Variants in SRI observed in about 807,000 individuals in gnomAD.
SRI encodes the protein sorcin.
Under a neutral mutation model 33.3 loss-of-function variants are expected in SRI, and 30 were observed. The observed-to-expected ratio is 0.90, with a 90% CI of 0.67 to 1.22. The LOEUF (loss-of-function observed/expected upper bound fraction) is 1.22. Ranked by LOEUF, SRI falls within the 50% of genes most tolerant of loss-of-function variation. The probability of loss-of-function intolerance (pLI) is 0.00; values close to 1 mark genes in which losing one functional copy is unlikely to be tolerated. For synonymous variants in SRI, 75 were observed against 89.9 expected, an observed-to-expected ratio of 0.83 and a Z score of 0.94; for missense variants, 243 against 250.8, an observed-to-expected ratio of 0.97 and a Z score of 0.21.
Position 88,206,127 on chromosome 7 carries a change from G to A in SRI, c.*351C>T, listed in dbSNP as rs1851435288. ...TCTTTGTAGGAGAGGAAAGATAACAGCTGTAGTCTGATTAACAGTTTTTAG... is the reference window on the plus strand; with the variant it reads ...TCTTTGTAGGAGAGGAAAGATAACAACTGTAGTCTGATTAACAGTTTTTAG... On this transcript the variant is annotated 3_prime_UTR_variant, in exon 8 of 8. Transcript: ENST00000265729. The A allele has an allele frequency of 3.2e-6, 1 of 313,414 alleles. No individual in the cohort carries two copies. The highest frequency in any genetic ancestry group is 6.2e-6 in the Non-Finnish European group (1 of 162,314). The allele number at this position is 313,414 out of a possible 1,614,324, so 19.4% of individuals were successfully genotyped here. A position where few individuals can be genotyped will look rare whatever the true frequency, so the allele number is the denominator to read the frequency against.
At chr7:88,218,257 G>T (rs1851782532) in intron 2 of SRI, among the ~76,000 whole-genome samples, 1 of 152,168 alleles carries the variant, frequency 6.6e-6, no homozygotes, top group African/African-American at 2.4e-5. Context: ...AACTCAGAAT[G>T]CAGACAAGTG....
intron 3 of SRI, among the ~76,000 whole-genome samples, chr7:88,212,563 T>C (rs1851605057): frequency 6.6e-6 from 1 of 152,218 alleles, no homozygotes; most frequent in African/African-American, 2.4e-5. Flanking sequence ...TTTCAGATGA[T>C]TCTAGTGAGC....
intron 1 of SRI, chr7:88,226,894 A>G (rs1852011011): frequency 2.5e-6 from 4 of 1,612,534 alleles, no homozygotes; most frequent in African/African-American, 2.7e-5. Flanking sequence ...TATTATATAC[A>G]TATCATTTAC....
intron 2 of SRI, 103 bp downstream of exon 2, chr7:88,218,756 G>C: frequency 9.5e-7 from 1 of 1,057,140 alleles, no homozygotes; most frequent in Non-Finnish European, 1.5e-6. Context: ...CAGAAGCAAA[G>C]GGACTCAGTA....
chr7:88,220,874 G>A (rs1851874017), upstream of SRI, among the ~76,000 whole-genome samples: 1 of 152,172 alleles, frequency 6.6e-6, no homozygotes, highest in South Asian at 2.1e-4. Context: ...AAGTATTCAG[G>A]AAGATAAGAG....
chr7:88,208,794 T>A (rs1226938136), intron 6 of SRI: 1 of 592,426 alleles, frequency 1.7e-6, no homozygotes, highest in African/African-American at 1.9e-5. Flanking sequence ...TTTGTTTTTT[T>A]GTTTTTTTAG....
chr7:88,217,394 G>C (rs1851755898), intron 2 of SRI, among the ~76,000 whole-genome samples: 1 of 152,102 alleles, frequency 6.6e-6, no homozygotes, highest in Admixed American at 6.5e-5. Flanking sequence ...ATTTAATGAT[G>C]AAAGAAAGAG....
chr7:88,226,191 C>T lies in SRI; in HGVS notation c.6+718G>A, dbSNP rs553124670. ...TGTTAATTCTAAAAGCTAATTTTTG[C>T]AACCTAGGTCTATTTTTTCATAAAG... On this transcript the variant is annotated intron_variant, in intron 1 of 7. Coordinates refer to the SRI transcript ENST00000394641. Among the ~76,000 whole-genome samples, 6 of 152,246 alleles carry T rather than the reference C, an allele frequency of 3.9e-5. No individual in the cohort carries two copies. The South Asian group carries it at 1.2e-3, about 32-fold the overall frequency.
chr7:88,210,125 ATC>A lies in SRI; in HGVS notation c.253_254del (p.Asp85TyrfsTer9). On this transcript the variant is annotated frameshift_variant, in exon 5 of 8. Coordinates refer to ENST00000265729, the MANE Select transcript of SRI (RefSeq NM_003130.4). LOFTEE classifies it high-confidence loss of function. ...CATTGAAACCCATTGTGCCAGACAT[ATC>A]TCTCTGAACTGTAATCAAGGATTAG... Reference protein sequence around the residue: ...CRLMVSMLDRDMSGTMGFNEF... With the variant: ...CRLMVSMLDRXMSGTMGFNEF... The A allele has an allele frequency of 6.2e-7, 1 of 1,614,112 alleles. No homozygotes were observed. The highest frequency in any genetic ancestry group is 8.5e-7 in the Non-Finnish European group (1 of 1,179,990).
intron 7 of SRI, chr7:88,208,194 A>G (rs1851479497): frequency 3.4e-6 from 1 of 291,756 alleles, no homozygotes; most frequent in Non-Finnish European, 5.9e-6. Flanking sequence ...TGAAAAAGGC[A>G]TTACTACTAT....
intron 3 of SRI, among the ~76,000 whole-genome samples, chr7:88,214,440 T>C (rs1330351706): frequency 6.6e-6 from 1 of 152,186 alleles, no homozygotes; most frequent in Non-Finnish European, 1.5e-5. Context: ...GGTCATCTTT[T>C]GTGAGAAGGA....
chr7:88,217,802 C>A (rs1426598959), intron 2 of SRI, among the ~76,000 whole-genome samples: 1 of 152,206 alleles, frequency 6.6e-6, no homozygotes, highest in Non-Finnish European at 1.5e-5. Context: ...CAGGCCAGGG[C>A]TGCTGAAAGC....
In SRI at chr7:88,210,908, A is replaced by G. The variant is rs1851560659; in HGVS notation, c.223T>C (p.Cys75Arg). 1 of 1,613,676 alleles carries G rather than the reference A, an allele frequency of 6.2e-7. No individual in the cohort carries two copies. The highest frequency in any genetic ancestry group is 1.1e-5 in the South Asian group (1 of 91,038). Residue 75 changes from cysteine (C) to arginine (R), a missense_variant, in exon 4 of 8, where the codon TGC becomes CGC. Cys to Arg is a radical substitution (Grantham distance 180). Coordinates refer to ENST00000265729, the MANE Select transcript of SRI (RefSeq NM_003130.4). ...TCCAGCATTGAAACCATAAGCCGGC[A>G]AGTCTCCAGGTTAAAAGCTGTTAAA... ...GGYKPFNLETCRLMVSMLDRD... is the reference protein window; with the variant it reads ...GGYKPFNLETRRLMVSMLDRD...
Position 88,212,879 on chromosome 7 carries a change from A to G in SRI, c.206-1954T>C, listed in dbSNP as rs565026150. On this transcript the variant is annotated intron_variant, in intron 3 of 7. Coordinates refer to ENST00000265729, the MANE Select transcript of SRI (RefSeq NM_003130.4). ...TTTTGTAAGCTTTCCAGGTGATGCC[A>G]ATGCTGCTAAAGTTTAAGAACTGCT... Among the ~76,000 whole-genome samples the G allele has an allele frequency of 9.8e-5, 15 of 152,312 alleles. No individual in the cohort carries two copies. The South Asian group carries it at 3.1e-3, about 32-fold the overall frequency.
upstream of SRI, among the ~76,000 whole-genome samples, chr7:88,224,795 G>C (rs1467121589): frequency 2.0e-5 from 3 of 152,202 alleles, no homozygotes. Context: ...GCATATTGTA[G>C]ATGGTAATGA....
rs1044714072 is a variant in SRI at position 88,206,404 on chromosome 7, C to T, written c.*74G>A. On this transcript the variant is annotated 3_prime_UTR_variant, in exon 8 of 8. Coordinates refer to ENST00000265729, the MANE Select transcript of SRI (RefSeq NM_003130.4). Reference sequence around the variant, plus strand: ...TCGTGATGTAAGTTTATACATATTACCGAAGGCAAAGAGGACAAGCAAAGG... The same window carrying T: ...TCGTGATGTAAGTTTATACATATTATCGAAGGCAAAGAGGACAAGCAAAGG... 1 of 1,555,344 alleles carries T rather than the reference C, an allele frequency of 6.4e-7. No homozygotes were observed. The highest frequency in any genetic ancestry group is 8.9e-7 in the Non-Finnish European group (1 of 1,126,760).
upstream of SRI, among the ~76,000 whole-genome samples, chr7:88,223,600 C>T (rs777924401): frequency 2.6e-5 from 4 of 152,114 alleles, no homozygotes; most frequent in Non-Finnish European, 4.4e-5. Context: ...GAATGGATGT[C>T]GCTGGGTTCC....
rs1485633347 is a variant in SRI at position 88,205,424 on chromosome 7, C to T, written c.*1054G>A. Reference sequence around the variant, plus strand: ...TGAAACTGGGCATTATCTATAATGACCAAACCACATAGTAAGAGGCACAAG... The same window carrying T: ...TGAAACTGGGCATTATCTATAATGATCAAACCACATAGTAAGAGGCACAAG... On this transcript the variant is annotated 3_prime_UTR_variant, in exon 8 of 8. Transcript: ENST00000265729. 1.3e-5 allele frequency: 2 copies of T among 152,142 alleles called. No individual in the cohort carries two copies. Among genetic ancestry groups the T allele is most frequent in the African/African-American group, 4.8e-5 (2 of 41,432 alleles). The allele number at this position is 152,142 out of a possible 1,614,324, so 9.4% of individuals were successfully genotyped here.
chr7:88,210,018 TCTA>T lies in SRI; in HGVS notation c.359_361del (p.Val120del). 2 of 1,614,194 alleles carry T rather than the reference TCTA, an allele frequency of 1.2e-6. No individual in the cohort carries two copies. Among genetic ancestry groups the T allele is most frequent in the Non-Finnish European group, 1.7e-6 (2 of 1,180,046 alleles). On this transcript the variant is annotated inframe_deletion, in exon 5 of 8. Transcript: ENST00000265729. Reference sequence around the variant, plus strand: ...CAGGGCCTTCTGCAATTCTTGTGGGTCTACTGTTCCACTCCTGTCAGTGTCAAA... The same window carrying T: ...CAGGGCCTTCTGCAATTCTTGTGGGTCTGTTCCACTCCTGTCAGTGTCAAA...
Sources: allele counts gnomAD v4.1 joint callset (sites outside exome capture counted in the v4.1 genomes callset), GRCh38; gene constraint gnomAD v4.1.1; transcripts MANE v1.5; gene names NCBI Gene and HGNC (gene_info 2026-07-23, HGNC 2026-07-21).